TRIL: variants seen among roughly 807,000 people sequenced by gnomAD.
TRIL encodes the protein TLR4 interactor with leucine rich repeats.
In TRIL, 23 loss-of-function variants were observed where a neutral mutation model predicts 43.0. The ratio of observed to expected loss-of-function variants is 0.54; its 90% CI spans 0.39 to 0.76. TRIL has a LOEUF of 0.76. Among genes scored for constraint, TRIL ranks in the 30% least tolerant of loss-of-function variants. TRIL has a pLI of 0.00. For synonymous variants in TRIL, 602 were observed against 556.8 expected (o/e 1.08, Z -1.14); for missense variants, 1,114 against 1,139.3 (o/e 0.98, Z 0.32).
chr7:28,956,552 C>T lies in TRIL; in HGVS notation c.1495G>A (p.Ala499Thr). The T allele has an allele frequency of 6.4e-7, 1 of 1,555,160 alleles. No individual in the cohort carries two copies. Among genetic ancestry groups the T allele is most frequent in the Non-Finnish European group, 8.6e-7 (1 of 1,158,892 alleles). Residue 499 changes from alanine (A) to threonine (T), a missense_variant, in exon 1 of 1, where the codon GCT becomes ACT. Transcript: ENST00000539664. The stretch of plus-strand genomic sequence containing the variant: ...TGTGGAGCCGGGCCCGCGGCGGCAG[C>T]GACGGAGGGGCTGGGCTGCTGGAGG... ...PGLQQPSPSV[A>T]AAAGPAPQSL...
chr7:28,955,886 A>C lies in TRIL; in HGVS notation c.2161T>G (p.Trp721Gly). ...CTAGCCCGCAGTTTCCTACGCAGCC[A>C]GCGAGACGCCCAGGCCGCCAAGGCC... The part of the protein sequence containing the change: ...LLALAAWASR[W>G]LRRKLRARRK... Residue 721 changes from tryptophan (W) to glycine (G), a missense_variant, in exon 1 of 1, where the codon TGG becomes GGG. By Grantham distance (184) the Trp-to-Gly change is radical. Transcript: ENST00000539664. The C allele has an allele frequency of 6.4e-7, 1 of 1,550,552 alleles. No individual in the cohort carries two copies. The highest frequency in any genetic ancestry group is 8.7e-7 in the Non-Finnish European group (1 of 1,147,690).
At position 28,957,992 on chromosome 7, in the gene TRIL, G is replaced by C; in HGVS notation, c.55C>G (p.Leu19Val). The C allele has an allele frequency of 6.3e-7, 1 of 1,597,914 alleles. No individual in the cohort carries two copies. The highest frequency in any genetic ancestry group is 1.1e-5 in the South Asian group (1 of 90,670). Residue 19 changes from leucine (L) to valine (V), a missense_variant, in exon 1 of 1, where the codon CTC becomes GTC. Leu to Val is a conservative substitution (Grantham distance 32, BLOSUM62 1). Coordinates refer to ENST00000539664, the MANE Select transcript of TRIL (RefSeq NM_014817.4). ...LLLVVCGCLA[L>V]PPLAEPVCPE... ...CACACGGGCTCGGCCAGCGGCGGGA[G>C]CGCGAGGCAGCCGCACACCACGAGC...
At position 28,956,355 on chromosome 7, in the gene TRIL, G is replaced by C. The variant is rs1371252941; in HGVS notation, c.1692C>G (p.Ala564=). 5.9e-6 allele frequency: 9 copies of C among 1,532,164 alleles called. No individual in the cohort carries two copies. Among genetic ancestry groups the C allele is most frequent in the Admixed American group, 2.0e-5 (1 of 50,760 alleles). 94.9% of individuals were successfully genotyped at this position (1,532,164 alleles called of 1,614,324 possible). ...GCAGCCCGGCCCCACCGTCGGACTG[G>C]GCGGCACGCTCCTGGTGCTCCGTGC... ...RLGTEHQERA[A]QSDGGAGLPP... is the part of the protein sequence containing the mutation. Residue 564 remains alanine (A), a synonymous_variant, in exon 1 of 1, where the codon GCC becomes GCG. Coordinates refer to ENST00000539664, the MANE Select transcript of TRIL (RefSeq NM_014817.4).
chr7:28,957,642 G>C lies in TRIL; in HGVS notation c.405C>G (p.Ile135Met). The change falls in exon 1 of 1, where the codon ATC becomes ATG. Residue 135 changes from isoleucine (I) to methionine (M), a missense_variant. Physicochemically the swap from Ile to Met is conservative, Grantham distance 10. Transcript: ENST00000539664. ...TGATCTCGTTCCCGTTGGCGTAGAG[G>C]ATGCGCAGCTTGCGCAGCGGGGCCA... is the stretch of plus-strand genomic sequence containing the variant. ...GTLAPLRKLR[I>M]LYANGNEISR... 1 of 1,610,558 alleles carries C rather than the reference G, an allele frequency of 6.2e-7. No homozygotes were observed. Among genetic ancestry groups the C allele is most frequent in the Non-Finnish European group, 8.5e-7 (1 of 1,178,574 alleles).
chr7:28,957,722 GC>G lies in TRIL; in HGVS notation c.324del (p.Leu109TrpfsTer38). 1 of 1,612,810 alleles carries G rather than the reference GC, an allele frequency of 6.2e-7. No individual in the cohort carries two copies. Among genetic ancestry groups the G allele is most frequent in the Non-Finnish European group, 8.5e-7 (1 of 1,179,372 alleles). On this transcript the variant is annotated frameshift_variant, in exon 1 of 1. Coordinates refer to ENST00000539664, the MANE Select transcript of TRIL (RefSeq NM_014817.4). LOFTEE classifies it high-confidence loss of function. ...TTGTTCCCCAGGTACAGCTCTTCCA[GC>G]CGCGAGAGCTTCTCGAAGGTCTTGG... ...LHPKTFEKLSRLEELYLGNNL... is the reference protein window; with the variant it reads ...LHPKTFEKLSXLEELYLGNNL...
rs757081115 is a variant in TRIL at position 28,957,583 on chromosome 7, T to A, written c.464A>T (p.Glu155Val). Residue 155 changes from glutamate to valine, a missense_variant, in exon 1 of 1, where the codon GAG (glutamate) becomes GTG (valine). Coordinates refer to ENST00000539664, the MANE Select transcript of TRIL (RefSeq NM_014817.4). ...GTCCAGCCGCAGCTTGACTAGACTC[T>A]CCAGGCCCTCGAAGGAGCCGCGGCT... ...RLSRGSFEGL[E>V]SLVKLRLDGN... 8.1e-6 allele frequency: 13 copies of A among 1,612,358 alleles called. No homozygotes were observed. The highest frequency in any genetic ancestry group is 1.1e-5 in the Non-Finnish European group (13 of 1,179,500).
In TRIL at chr7:28,957,821, C is replaced by A; in HGVS notation, c.226G>T (p.Ala76Ser). 2 of 1,613,780 alleles carry A rather than the reference C, an allele frequency of 1.2e-6. No individual in the cohort carries two copies. The highest frequency in any genetic ancestry group is 1.7e-6 in the Non-Finnish European group (2 of 1,179,714). The change falls in exon 1 of 1, where the codon GCC becomes TCC. Residue 76 changes from alanine (A) to serine (S), a missense_variant. Coordinates refer to ENST00000539664, the MANE Select transcript of TRIL (RefSeq NM_014817.4). The part of the protein sequence containing the change: ...LGGNFITNIT[A>S]FDFHRLGQLR... ...TGCCCCAGACGGTGGAAGTCGAAGGCCGTGATGTTGGTTATGAAGTTGCCG... is the reference window on the plus strand; with the variant it reads ...TGCCCCAGACGGTGGAAGTCGAAGGACGTGATGTTGGTTATGAAGTTGCCG...
chr7:28,956,466 G>T lies in TRIL; in HGVS notation c.1581C>A (p.Leu527=). The change falls in exon 1 of 1, where the codon CTC becomes CTA. Residue 527 remains leucine (L), a synonymous_variant. Coordinates refer to ENST00000539664, the MANE Select transcript of TRIL (RefSeq NM_014817.4). ...RGRPTRADPA[L]AEPTPTASPG... Reference sequence around the variant, plus strand: ...GAGAGGCCGTTGGGGTGGGCTCCGCGAGGGCGGGATCTGCCCGAGTCGGAC... The same window carrying T: ...GAGAGGCCGTTGGGGTGGGCTCCGCTAGGGCGGGATCTGCCCGAGTCGGAC... The T allele has an allele frequency of 6.4e-7, 1 of 1,551,992 alleles. No individual in the cohort carries two copies. The highest frequency in any genetic ancestry group is 1.9e-5 in the Admixed American group (1 of 53,388).
chr7:28,953,827 T>G lies in TRIL; in HGVS notation c.*1784A>C, dbSNP rs1471505496. ...TGTAGTTTTAAGTGGTCTGGACATT[T>G]ACTCATTTGAACATAAACAACGATC... On this transcript the variant is annotated 3_prime_UTR_variant, in exon 1 of 1. Coordinates refer to ENST00000539664, the MANE Select transcript of TRIL (RefSeq NM_014817.4). 3 of 152,378 alleles carry G rather than the reference T, an allele frequency of 2.0e-5. No individual in the cohort carries two copies. Among genetic ancestry groups the G allele is most frequent in the African/African-American group, 7.2e-5 (3 of 41,472 alleles). The allele number at this position is 152,378 out of a possible 1,614,324, so 9.4% of individuals were successfully genotyped here. A position where few individuals can be genotyped will look rare whatever the true frequency, so the allele number is the denominator to read the frequency against.
rs1783436863 is a variant in TRIL, at chr7:28,957,987, C to A, written c.60G>T (p.Pro20=). 3 of 1,599,608 alleles carry A rather than the reference C, an allele frequency of 1.9e-6. No individual in the cohort carries two copies. Among genetic ancestry groups the A allele is most frequent in the Admixed American group, 3.4e-5 (2 of 59,700 alleles). The part of the protein sequence containing the change: ...LLVVCGCLAL[P]PLAEPVCPER... Reference sequence around the variant, plus strand: ...CCGGGCACACGGGCTCGGCCAGCGGCGGGAGCGCGAGGCAGCCGCACACCA... The same window carrying A: ...CCGGGCACACGGGCTCGGCCAGCGGAGGGAGCGCGAGGCAGCCGCACACCA... Residue 20 remains proline, a synonymous_variant, in exon 1 of 1, where the codon CCG becomes CCT. Transcript: ENST00000539664.
Position 28,956,238 on chromosome 7 carries a change from G to A in TRIL, c.1809C>T (p.Arg603=). Residue 603 remains arginine, a synonymous_variant, in exon 1 of 1, where the codon CGC becomes CGT. Coordinates refer to ENST00000539664, the MANE Select transcript of TRIL (RefSeq NM_014817.4). ...EAVGADSASV[R]WAVREHRSPR... ...GACTGCGGTGCTCGCGCACGGCCCAGCGCACCGAGGCGCTGTCTGCGCCCA... is the reference window on the plus strand; with the variant it reads ...GACTGCGGTGCTCGCGCACGGCCCAACGCACCGAGGCGCTGTCTGCGCCCA... 6.5e-7 allele frequency: 1 copy of A among 1,549,420 alleles called. No homozygotes were observed. Among genetic ancestry groups the A allele is most frequent in the African/African-American group, 1.4e-5 (1 of 73,472 alleles).
At position 28,957,233 on chromosome 7, in the gene TRIL, C is replaced by T. The variant is rs1783420423; in HGVS notation, c.814G>A (p.Ala272Thr). The change falls in exon 1 of 1, where the codon GCC (alanine) becomes ACC (threonine). Residue 272 changes from alanine (A) to threonine (T), a missense_variant. Transcript: ENST00000539664. ...GNQLTHLAPEAFWGLEALREL... is the reference protein window; with the variant it reads ...GNQLTHLAPETFWGLEALREL... ...CGCAGGGCCTCCAAGCCCCAAAAGG[C>T]CTCAGGCGCGAGGTGCGTGAGCTGG... is the stretch of plus-strand genomic sequence containing the variant. 6.2e-7 allele frequency: 1 copy of T among 1,606,308 alleles called. No individual in the cohort carries two copies. The highest frequency in any genetic ancestry group is 8.5e-7 in the Non-Finnish European group (1 of 1,179,314).
At position 28,957,535 on chromosome 7, in the gene TRIL, G is replaced by T. The variant is rs1372524997; in HGVS notation, c.512C>A (p.Pro171Gln). 9.9e-6 allele frequency: 16 copies of T among 1,612,838 alleles called. No homozygotes were observed. The highest frequency in any genetic ancestry group is 1.4e-5 in the Non-Finnish European group (16 of 1,179,794). The change falls in exon 1 of 1, where the codon CCG becomes CAG. Residue 171 changes from proline (P) to glutamine (Q), a missense_variant. By Grantham distance (76) the Pro-to-Gln change is moderately conservative. Transcript: ENST00000539664. ...RLDGNALGALPDAVFAPLGNL... is the reference protein window; with the variant it reads ...RLDGNALGALQDAVFAPLGNL... Reference sequence around the variant, plus strand: ...GCCCAAGGGAGCGAAGACCGCGTCCGGCAGCGCCCCCAGGGCGTTCCCGTC... The same window carrying T: ...GCCCAAGGGAGCGAAGACCGCGTCCTGCAGCGCCCCCAGGGCGTTCCCGTC...
At position 28,956,025 on chromosome 7, in the gene TRIL, G is replaced by T; in HGVS notation, c.2022C>A (p.Pro674=). 1 of 1,549,476 alleles carries T rather than the reference G, an allele frequency of 6.5e-7. No individual in the cohort carries two copies. The highest frequency in any genetic ancestry group is 2.4e-5 in the East Asian group (1 of 41,430). ...VLGGRVCPVA[P]RDHCAGLVTL... ...TGACCAGCCCCGCGCAGTGGTCCCGGGGAGCCACAGGGCAGACACGGCCCC... is the reference window on the plus strand; with the variant it reads ...TGACCAGCCCCGCGCAGTGGTCCCGTGGAGCCACAGGGCAGACACGGCCCC... The change falls in exon 1 of 1, where the codon CCC becomes CCA. Residue 674 remains proline (P), a synonymous_variant. Coordinates refer to ENST00000539664, the MANE Select transcript of TRIL (RefSeq NM_014817.4).
rs1783355596 is a variant in TRIL, at chr7:28,953,597, A to G, written c.*2014T>C. ...GCAAAAGAAATAGCTAGGAGATGCA[A>G]TAGTGCTATGATTGAAAAAAGCCAG... On this transcript the variant is annotated 3_prime_UTR_variant, in exon 1 of 1. Transcript: ENST00000539664. 1.3e-5 allele frequency: 2 copies of G among 152,248 alleles called. No individual in the cohort carries two copies. The highest frequency in any genetic ancestry group is 2.9e-5 in the Non-Finnish European group (2 of 68,056). 9.4% of individuals were successfully genotyped at this position (152,248 alleles called of 1,614,324 possible). A position where few individuals can be genotyped will look rare whatever the true frequency, so the allele number is the denominator to read the frequency against.
rs527304155 is a variant in TRIL at position 28,955,716 on chromosome 7, C to T, written c.2331G>A (p.Ala777=). 7.1e-6 allele frequency: 11 copies of T among 1,550,220 alleles called. No homozygotes were observed. In the African/African-American group the frequency reaches 1.1e-4, roughly 15 times the overall value. ...GGTCGCAGGGGAATTCGATGAGGTC[C>T]GCCTCACTGAGCGCGCACACGGTGG... is the stretch of plus-strand genomic sequence containing the variant. The part of the protein sequence containing the change: ...PRTTVCALSE[A]DLIEFPCDRF... Residue 777 remains alanine, a synonymous_variant, in exon 1 of 1, where the codon GCG becomes GCA. Transcript: ENST00000539664.
In TRIL at chr7:28,956,439, A is replaced by G. The variant is rs1226156753; in HGVS notation, c.1608T>C (p.Pro536=). ...ALAEPTPTAS[P]GSAPSPAGDP... is the part of the protein sequence containing the mutation. ...CGCCGGCGGGCGATGGCGCAGAGCCAGGAGAGGCCGTTGGGGTGGGCTCCG... is the reference window on the plus strand; with the variant it reads ...CGCCGGCGGGCGATGGCGCAGAGCCGGGAGAGGCCGTTGGGGTGGGCTCCG... The change falls in exon 1 of 1, where the codon CCT becomes CCC. Residue 536 remains proline, a synonymous_variant. Coordinates refer to ENST00000539664, the MANE Select transcript of TRIL (RefSeq NM_014817.4). 6.5e-7 allele frequency: 1 copy of G among 1,542,672 alleles called. No homozygotes were observed. Among genetic ancestry groups the G allele is most frequent in the South Asian group, 1.2e-5 (1 of 84,394 alleles).
Position 28,956,709 on chromosome 7 carries a change from G to C in TRIL, c.1338C>G (p.Leu446=), listed in dbSNP as rs370254572. Reference sequence around the variant, plus strand: ...GCGGCTGCGGCGGCAGCTCCTCCGCGAGACCTGCAGGTGGCGTCATCTCCT... The same window carrying C: ...GCGGCTGCGGCGGCAGCTCCTCCGCCAGACCTGCAGGTGGCGTCATCTCCT... ...AGEEMTPPAG[L]AEELPPQPQL... The change falls in exon 1 of 1, where the codon CTC becomes CTG. Residue 446 remains leucine (L), a synonymous_variant. Coordinates refer to ENST00000539664, the MANE Select transcript of TRIL (RefSeq NM_014817.4). 2 of 1,593,458 alleles carry C rather than the reference G, an allele frequency of 1.3e-6. No homozygotes were observed. The highest frequency in any genetic ancestry group is 1.7e-6 in the Non-Finnish European group (2 of 1,172,522).
Position 28,956,115 on chromosome 7 carries a change from G to A in TRIL, c.1932C>T (p.Asp644=), listed in dbSNP as rs760697868. 15 of 1,560,530 alleles carry A rather than the reference G, an allele frequency of 9.6e-6. No homozygotes were observed. The highest frequency in any genetic ancestry group is 1.7e-4 in the Middle Eastern group (1 of 6,028). ...HRFVYLPESS[D]SATLRELRGD... is the part of the protein sequence containing the mutation. ...CGCGCAGCTCGCGCAGCGTGGCCGA[G>A]TCGCTGCTCTCAGGCAGGTAGACGA... Residue 644 remains aspartate (D), a synonymous_variant, in exon 1 of 1, where the codon GAC becomes GAT. Transcript: ENST00000539664.
Sources: gnomAD v4.1 joint callset for allele counts on GRCh38, gnomAD v4.1.1 for gene constraint, MANE v1.5 for transcripts, NCBI Gene and HGNC (gene_info 2026-07-23, HGNC 2026-07-21) for gene names.